The following KCNN3 variants were observed in gnomAD, a reference collection of about 807,000 sequenced individuals.
KCNN3 encodes potassium calcium-activated channel subfamily N member 3.
KCNN3 carries 16 observed loss-of-function variants against 62.9 expected under a neutral mutation model. That is an observed-to-expected ratio of 0.25 (90% CI 0.17 to 0.39). The LOEUF is 0.39. Among genes scored for constraint, KCNN3 ranks in the 10% least tolerant of loss-of-function variants. The pLI is 1.00. For missense variants in KCNN3, 599 were observed against 949.4 expected, an observed-to-expected ratio of 0.63 and a Z score of 4.85; for synonymous variants, 370 against 389.2, an observed-to-expected ratio of 0.95 and a Z score of 0.58.
At chr1:154,824,191 C>T (rs891175751) in intron 1 of KCNN3, among the ~76,000 whole-genome samples, 2 of 152,164 alleles carry the variant, frequency 1.3e-5, no homozygotes, top group South Asian at 2.1e-4. Context: ...TGCATGGGGT[C>T]GTCCAACTAT....
In KCNN3 at chr1:154,714,851, G is replaced by C. The variant is rs202168998; in HGVS notation, c.1829+25C>G. On this transcript the variant is annotated intron_variant, in intron 6 of 7. Coordinates refer to ENST00000271915, the MANE Select transcript of KCNN3 (RefSeq NM_002249.6). ...GCCACTCCCAGTCTGGTCATCTGATGGCTGAACCGCTCTGGCATACTCACT... is the reference window on the plus strand; with the variant it reads ...GCCACTCCCAGTCTGGTCATCTGATCGCTGAACCGCTCTGGCATACTCACT... 111 of 1,612,872 alleles carry C rather than the reference G, an allele frequency of 6.9e-5. No individual in the cohort carries two copies. The African/African-American group carries it at 1.4e-3, about 21-fold the overall frequency.
Position 154,714,612 on chromosome 1 carries a change from G to GTGTGTGT in KCNN3, c.1829+263_1829+264insACACACA, listed in dbSNP as rs1553227050. ...ATGGTGTGTGTGATGTGTGGTGTGT[G>GTGTGTGT]GTGTGTGTGTGTGTGTGTGTGTGTG... On this transcript the variant is annotated intron_variant, in intron 6 of 7. Transcript: ENST00000271915. 7.6e-3 allele frequency among the ~76,000 whole-genome samples: 190 copies of GTGTGTGT among 24,842 alleles called. 7 individuals carry two copies. The highest frequency in any genetic ancestry group is 0.012 in the South Asian group (9 of 760). 16.3% of individuals were successfully genotyped at this position (24,842 alleles called of 152,430 possible). A position where few individuals can be genotyped will look rare whatever the true frequency, so the allele number is the denominator to read the frequency against.
chr1:154,738,246 G>A (rs1013525207), intron 3 of KCNN3, among the ~76,000 whole-genome samples: 2 of 152,060 alleles, frequency 1.3e-5, no homozygotes, highest in African/African-American at 2.4e-5. Flanking sequence ...TATAAAAGAG[G>A]CCAAATACAA....
At chr1:154,734,499 G>A (rs1326036608) in intron 3 of KCNN3, among the ~76,000 whole-genome samples, 3 of 152,214 alleles carry the variant, frequency 2.0e-5, no homozygotes, top group Non-Finnish European at 4.4e-5. Context: ...GGAAGGATTC[G>A]CTGCCGTCAT....
chr1:154,765,595 A>G lies in KCNN3; in HGVS notation c.1448+6380T>C, dbSNP rs192755526. 2.1e-4 allele frequency among the ~76,000 whole-genome samples: 31 copies of G among 149,142 alleles called. 1 individual carries two copies. Among genetic ancestry groups the G allele is most frequent in the Admixed American group, 1.9e-3 (28 of 15,034 alleles). On this transcript the variant is annotated intron_variant, in intron 3 of 7. Transcript: ENST00000271915. ...AGGATCATATATATTCTGGCACCCTATTAGAGATGCCCAAGACTCTTCTTT... is the reference window on the plus strand; with the variant it reads ...AGGATCATATATATTCTGGCACCCTGTTAGAGATGCCCAAGACTCTTCTTT...
chr1:154,801,185 G>A (rs188137710), intron 2 of KCNN3, among the ~76,000 whole-genome samples: 2 of 152,222 alleles, frequency 1.3e-5, no homozygotes, highest in Admixed American at 1.3e-4. Context: ...AATTTTACCT[G>A]GAAAGCCCTG....
intron 1 of KCNN3, among the ~76,000 whole-genome samples, chr1:154,836,196 G>A (rs1379347080): frequency 6.6e-6 from 1 of 152,196 alleles, no homozygotes; most frequent in Non-Finnish European, 1.5e-5. Flanking sequence ...TTCTTTGAGT[G>A]TTGAGCAGCC....
At chr1:154,740,051 A>G (rs73005422) in intron 3 of KCNN3, among the ~76,000 whole-genome samples, 2,140 of 152,364 alleles carry the variant, frequency 0.014, 48 homozygotes, top group African/African-American at 0.049. Flanking sequence ...GTTGTTATGT[A>G]GCAACAGATA....
Position 154,862,691 on chromosome 1 carries a change from G to T in KCNN3, c.933+6341C>A, listed in dbSNP as rs1213377553. Among the ~76,000 whole-genome samples, 2 of 152,006 alleles carry T rather than the reference G, an allele frequency of 1.3e-5. No individual in the cohort carries two copies. Among genetic ancestry groups the T allele is most frequent in the Non-Finnish European group, 2.9e-5 (2 of 67,974 alleles). On this transcript the variant is annotated intron_variant, in intron 1 of 7. Transcript: ENST00000271915. This position sits in a 1 kb window ranked among gnomAD's most constrained non-coding sequence, Gnocchi z 4.1. ...TTGGGCCAGTCCACAATCTCACCCT[G>T]ATCCCAGGCCAACCTGGGGTGCCCA...
intron 2 of KCNN3, among the ~76,000 whole-genome samples, chr1:154,783,311 G>T (rs1047657699): frequency 6.6e-6 from 1 of 152,154 alleles, no homozygotes; most frequent in African/African-American, 2.4e-5. Flanking sequence ...ATCAATATAT[G>T]ATTAAAATAA....
At chr1:154,781,242 G>A (rs1022850772) in intron 2 of KCNN3, among the ~76,000 whole-genome samples, 5 of 152,288 alleles carry the variant, frequency 3.3e-5, no homozygotes, top group Middle Eastern at 3.4e-3. Flanking sequence ...CGGCATTTGA[G>A]CGAGCCACTA....
rs771314319 is a variant in KCNN3 at position 154,772,968 on chromosome 1, T to C, written c.1030-575A>G. ...GATGTCATCAATTATGTCGGTGTAATGAAACCTCCACAAAATCCCAAAAAG... is the reference window on the plus strand; with the variant it reads ...GATGTCATCAATTATGTCGGTGTAACGAAACCTCCACAAAATCCCAAAAAG... On this transcript the variant is annotated intron_variant, in intron 2 of 7. Coordinates refer to ENST00000271915, the MANE Select transcript of KCNN3 (RefSeq NM_002249.6). This position sits in a 1 kb window ranked among gnomAD's most constrained non-coding sequence, Gnocchi z 5.6. Among the ~76,000 whole-genome samples the C allele has an allele frequency of 2.0e-5, 3 of 152,160 alleles. No individual in the cohort carries two copies. Among genetic ancestry groups the C allele is most frequent in the Non-Finnish European group, 4.4e-5 (3 of 68,032 alleles).
At chr1:154,843,202 T>G (rs1651908121) in intron 1 of KCNN3, among the ~76,000 whole-genome samples, 1 of 152,000 alleles carries the variant, frequency 6.6e-6, no homozygotes, top group African/African-American at 2.4e-5. Context: ...AGGAGCTAGA[T>G]ATGGTCCCTG....
chr1:154,853,896 A>G (rs1333573726), intron 1 of KCNN3, among the ~76,000 whole-genome samples: 3 of 151,936 alleles, frequency 2.0e-5, no homozygotes, highest in Admixed American at 2.0e-4. Flanking sequence ...GTGAGCCGAG[A>G]TCACGCCACT....
In KCNN3 at chr1:154,725,860, T is replaced by C. The variant is rs545746414; in HGVS notation, c.1701+56A>G. 51 of 1,340,442 alleles carry C rather than the reference T, an allele frequency of 3.8e-5. No individual in the cohort carries two copies. In the African/African-American group the frequency reaches 6.0e-4, roughly 16 times the overall value. 83.0% of individuals were successfully genotyped at this position (1,340,442 alleles called of 1,614,324 possible). A position where few individuals can be genotyped will look rare whatever the true frequency, so the allele number is the denominator to read the frequency against. ...ACCCGTTGGACCATTTGCTTTCTGA[T>C]TGGCTTCCACTGTGGCCTTAAGTCC... On this transcript the variant is annotated intron_variant, in intron 5 of 7. Coordinates refer to ENST00000271915, the MANE Select transcript of KCNN3 (RefSeq NM_002249.6).
chr1:154,730,518 A>C (rs1018057685), intron 4 of KCNN3, among the ~76,000 whole-genome samples: 1 of 152,216 alleles, frequency 6.6e-6, no homozygotes, highest in Admixed American at 6.5e-5. Flanking sequence ...AAGGATCCTC[A>C]GCAAAGTGAA....
intron 2 of KCNN3, among the ~76,000 whole-genome samples, chr1:154,794,814 T>A (rs1649659059): frequency 6.6e-6 from 1 of 152,138 alleles, no homozygotes; most frequent in Non-Finnish European, 1.5e-5. Context: ...TGGGATCGAT[T>A]GGTTATGTCT....
At chr1:154,781,169 G>A (rs901151612) in intron 2 of KCNN3, among the ~76,000 whole-genome samples, 2 of 152,216 alleles carry the variant, frequency 1.3e-5, no homozygotes, top group African/African-American at 4.8e-5. Context: ...GACTAACAGA[G>A]ACCAGTGGTG....
At position 154,789,093 on chromosome 1, in the gene KCNN3, G is replaced by A. The variant is rs142386710; in HGVS notation, c.1030-16700C>T. Among the ~76,000 whole-genome samples, 601 of 152,268 alleles carry A rather than the reference G, an allele frequency of 3.9e-3. 3 individuals carry two copies. The highest frequency in any genetic ancestry group is 0.013 in the African/African-American group (543 of 41,562). ...CACTAGACTAACGTGGAGGTTGTCC[G>A]CAGGGCTGGCTCCTTCCCGAAGATC... On this transcript the variant is annotated intron_variant, in intron 2 of 7. Transcript: ENST00000271915.
Sources: allele counts gnomAD v4.1 joint callset (sites outside exome capture counted in the v4.1 genomes callset), GRCh38; gene constraint gnomAD v4.1.1; non-coding constraint Gnocchi (gnomAD v3.1); transcripts MANE v1.5; gene names NCBI Gene and HGNC (gene_info 2026-07-23, HGNC 2026-07-21).